Variants in CTNNA3 observed in about 807,000 individuals in gnomAD.
CTNNA3 encodes the protein catenin alpha-3.
CTNNA3 carries 76 observed loss-of-function variants against 95.7 expected under a neutral mutation model. The observed-to-expected ratio is 0.79, with a 90% CI of 0.66 to 0.96. CTNNA3 has a LOEUF of 0.96. CTNNA3 is among the 40% of genes least tolerant of loss of function. The pLI, the probability that CTNNA3 is intolerant of heterozygous loss-of-function variation, is 0.00. For synonymous variants in CTNNA3, 431 were observed against 374.4 expected, an observed-to-expected ratio of 1.15 and a Z score of -1.74; for missense variants, 1,191 against 1,089.8, an observed-to-expected ratio of 1.09 and a Z score of -1.31.
At chr10:66,297,629 A>C (rs780911127) in intron 12 of CTNNA3, among the ~76,000 whole-genome samples, 4 of 152,188 alleles carry the variant, frequency 2.6e-5, no homozygotes, top group Non-Finnish European at 4.4e-5. Context: ...TTGAGCTTCC[A>C]GAAAACACTA....
chr10:66,489,690 A>G (rs79659047), intron 11 of CTNNA3, among the ~76,000 whole-genome samples: 53 of 152,296 alleles, frequency 3.5e-4, no homozygotes, highest in African/African-American at 1.2e-3. Context: ...CTTTAGGTAT[A>G]CTTATCTCAT....
At chr10:66,452,188 T>C (rs984562211) in intron 11 of CTNNA3, among the ~76,000 whole-genome samples, 1 of 152,246 alleles carries the variant, frequency 6.6e-6, no homozygotes, top group African/African-American at 2.4e-5. Flanking sequence ...AGAAATTTCA[T>C]ATTAGTATAT....
chr10:67,448,246 T>A (rs10997646), intron 5 of CTNNA3, among the ~76,000 whole-genome samples: 15,604 of 152,180 alleles, frequency 0.1, 1,055 homozygotes, highest in African/African-American at 0.18. Flanking sequence ...TATTAGAATA[T>A]ATGAATAAAT....
chr10:66,417,220 A>C (rs1564942272), intron 11 of CTNNA3, among the ~76,000 whole-genome samples: 1 of 152,196 alleles, frequency 6.6e-6, no homozygotes, highest in Non-Finnish European at 1.5e-5. Context: ...AACAGAATTC[A>C]AAGTGAGCAG....
chr10:67,403,043 G>A (rs1454672560), intron 5 of CTNNA3, among the ~76,000 whole-genome samples: 1 of 152,232 alleles, frequency 6.6e-6, no homozygotes, highest in African/African-American at 2.4e-5. Flanking sequence ...AGATGGAATG[G>A]AGCTGCCAGG....
At chr10:67,497,742 T>C (rs1839073952) in intron 5 of CTNNA3, among the ~76,000 whole-genome samples, 1 of 152,234 alleles carries the variant, frequency 6.6e-6, no homozygotes, top group Admixed American at 6.5e-5. Context: ...TTTTGAGAAA[T>C]ATCTGTTCAT....
chr10:66,431,391 A>G (rs562857346), intron 11 of CTNNA3, among the ~76,000 whole-genome samples: 2 of 152,306 alleles, frequency 1.3e-5, no homozygotes, highest in East Asian at 1.9e-4. Context: ...CCATCCCATT[A>G]CTGGGTATAT....
At chr10:67,063,282 T>G (rs1388626603) in intron 7 of CTNNA3, among the ~76,000 whole-genome samples, 1 of 152,186 alleles carries the variant, frequency 6.6e-6, no homozygotes, top group African/African-American at 2.4e-5. Context: ...AAAGATGTAT[T>G]AGTTCACATT....
chr10:66,360,626 T>C (rs1417823280), intron 12 of CTNNA3, among the ~76,000 whole-genome samples: 3 of 36,488 alleles, frequency 8.2e-5, no homozygotes, highest in African/African-American at 2.8e-4. Flanking sequence ...TTTCTTTCTT[T>C]CTTTCTTTCT....
chr10:67,540,050 A>C (rs1359466495), intron 3 of CTNNA3, among the ~76,000 whole-genome samples: 2 of 152,144 alleles, frequency 1.3e-5, no homozygotes, highest in African/African-American at 2.4e-5. Flanking sequence ...TTACTTTCCA[A>C]ATCAATGGAT....
chr10:67,032,036 T>G (rs1853757358), intron 7 of CTNNA3, among the ~76,000 whole-genome samples: 1 of 152,232 alleles, frequency 6.6e-6, no homozygotes, highest in African/African-American at 2.4e-5. Context: ...ATAATTTGTC[T>G]GCCTTCTTTT....
chr10:67,604,400 T>C (rs1159258519), intron 3 of CTNNA3, among the ~76,000 whole-genome samples: 2 of 152,186 alleles, frequency 1.3e-5, no homozygotes, highest in Non-Finnish European at 2.9e-5. Flanking sequence ...AAGTTTGAAC[T>C]TTATTGAAAA....
chr10:66,350,502 T>G (rs1292996714), intron 12 of CTNNA3, among the ~76,000 whole-genome samples: 1 of 150,072 alleles, frequency 6.7e-6, no homozygotes, highest in African/African-American at 2.5e-5. Context: ...CCTGACTCCA[T>G]AGTCAATGAA....
At chr10:66,691,012 C>T (rs1243099715) in intron 9 of CTNNA3, among the ~76,000 whole-genome samples, 1 of 152,196 alleles carries the variant, frequency 6.6e-6, no homozygotes, top group Non-Finnish European at 1.5e-5. Context: ...CTCCGGTCTA[C>T]AGCTCCCAGA....
chr10:66,855,675 A>G (rs1843659012), intron 7 of CTNNA3, among the ~76,000 whole-genome samples: 1 of 152,008 alleles, frequency 6.6e-6, no homozygotes, highest in Non-Finnish European at 1.5e-5. Context: ...ACAATATAAG[A>G]TAGGTACCAT....
intron 17 of CTNNA3, among the ~76,000 whole-genome samples, chr10:65,949,339 TATC>T (rs1292244964): frequency 5.3e-5 from 8 of 152,228 alleles, no homozygotes. Context: ...GTCAACAAAA[TATC>T]ATAAGTTTAC....
rs540003137 is a variant in CTNNA3 at position 66,401,658 on chromosome 10, C to CTTT, written c.1532-22309_1532-22307dup. Among the ~76,000 whole-genome samples the CTTT allele has an allele frequency of 7.9e-4, 92 of 116,264 alleles. 4 individuals are homozygous for CTTT. The South Asian group carries it at 8.6e-3, about 11-fold the overall frequency. The allele number at this position is 116,264 out of a possible 152,430, so 76.3% of individuals were successfully genotyped here. On this transcript the variant is annotated intron_variant, in intron 11 of 17. Coordinates refer to ENST00000433211, the MANE Select transcript of CTNNA3 (RefSeq NM_013266.4). ...CATCATTAAATTATTCCATTTCTTT[C>CTTT]TTTTTTTTTTTTTTTTTTGAGATGG...
chr10:66,388,654 A>G (rs2092912072), intron 11 of CTNNA3, among the ~76,000 whole-genome samples: 1 of 151,292 alleles, frequency 6.6e-6, no homozygotes, highest in South Asian at 2.1e-4. Flanking sequence ...GTCTTATATA[A>G]ACATATGATA....
chr10:67,681,365 A>C (rs1442276417), intron 1 of CTNNA3, among the ~76,000 whole-genome samples: 1 of 152,134 alleles, frequency 6.6e-6, no homozygotes, highest in Non-Finnish European at 1.5e-5. Flanking sequence ...TGAGAAATGG[A>C]CTCCAATATA....
Sources: allele counts gnomAD v4.1 joint callset (sites outside exome capture counted in the v4.1 genomes callset), GRCh38; gene constraint gnomAD v4.1.1; transcripts MANE v1.5; gene names NCBI Gene and HGNC (gene_info 2026-07-23, HGNC 2026-07-21).